MTMR10: variants seen among roughly 807,000 people sequenced by gnomAD.
MTMR10 encodes the protein myotubularin-related protein 10.
In MTMR10, 56 loss-of-function variants were observed where a neutral mutation model predicts 88.1. The observed-to-expected ratio is 0.64, with a 90% CI of 0.51 to 0.79. MTMR10 has a LOEUF of 0.79. MTMR10 is among the 30% of genes least tolerant of loss of function. The pLI, the probability that MTMR10 is intolerant of heterozygous loss-of-function variation, is 0.00. For synonymous variants in MTMR10, 380 were observed against 340.9 expected (o/e 1.11, Z -1.26); for missense variants, 883 against 924.7 (o/e 0.95, Z 0.58).
At chr15:30,942,854 G>A (rs772649590) in intron 15 of MTMR10, 36 bp downstream of exon 15, 2 of 1,529,952 alleles carry the variant, frequency 1.3e-6, no homozygotes, top group East Asian at 2.4e-5. Flanking sequence ...TTGGTTACGT[G>A]TGAGCCAACA....
intron 5 of MTMR10, among the ~76,000 whole-genome samples, chr15:30,971,628 G>T (rs2063539151): frequency 6.6e-6 from 1 of 152,070 alleles, no homozygotes; most frequent in South Asian, 2.1e-4. Flanking sequence ...GAGACAAAAG[G>T]CATGTATTTC....
At chr15:30,921,968 A>G in the MTMR10 span, among the ~76,000 whole-genome samples, 1 of 152,178 alleles carries the variant, frequency 6.6e-6, no homozygotes, top group South Asian at 2.1e-4. Flanking sequence ...TGGTTTGCAG[A>G]TAACACTCTG....
Position 30,991,624 on chromosome 15 carries a change from G to A in MTMR10, c.-118C>T, listed in dbSNP as rs1183076650. The stretch of plus-strand genomic sequence containing the variant: ...CTTTCTGCGGCCAGCCGAGCCGGGC[G>A]GACTGACGGGCGGGGATACGGCGCA... On this transcript the variant is annotated 5_prime_UTR_variant, in exon 1 of 16. Coordinates refer to ENST00000435680, the MANE Select transcript of MTMR10 (RefSeq NM_017762.3). 4.7e-6 allele frequency: 6 copies of A among 1,271,082 alleles called. No homozygotes were observed. The highest frequency in any genetic ancestry group is 6.2e-6 in the Non-Finnish European group (6 of 963,936). The allele number at this position is 1,271,082 out of a possible 1,614,324, so 78.7% of individuals were successfully genotyped here. A position where few individuals can be genotyped will look rare whatever the true frequency, so the allele number is the denominator to read the frequency against.
chr15:30,974,250 T>C lies in MTMR10; in HGVS notation c.474+64A>G, dbSNP rs952035589. 3.8e-6 allele frequency: 5 copies of C among 1,309,774 alleles called. No individual in the cohort carries two copies. In the East Asian group the frequency reaches 8.2e-5, roughly 21 times the overall value. The allele number at this position is 1,309,774 out of a possible 1,614,324, so 81.1% of individuals were successfully genotyped here. ...AGCAATTGAGAAATGAAAACTGCCA[T>C]ACGGAATTGAAATCAGTAAACACAG... On this transcript the variant is annotated intron_variant, in intron 5 of 15. Coordinates refer to ENST00000435680, the MANE Select transcript of MTMR10 (RefSeq NM_017762.3).
At position 30,942,885 on chromosome 15, in the gene MTMR10, T is replaced by C. The variant is rs2063100439; in HGVS notation, c.1731+5A>G. On this transcript the variant is annotated splice_donor_5th_base_variant and intron_variant, in intron 15 of 15. Coordinates refer to ENST00000435680, the MANE Select transcript of MTMR10 (RefSeq NM_017762.3). The stretch of plus-strand genomic sequence containing the variant: ...CAACATCACGTTTTGTTAGCTGTGA[T>C]TTACCTTTGTCCGTTTAAAAGACTT... The C allele has an allele frequency of 6.4e-7, 1 of 1,557,310 alleles. No individual in the cohort carries two copies. The highest frequency in any genetic ancestry group is 2.0e-5 in the Admixed American group (1 of 51,234).
the MTMR10 span, among the ~76,000 whole-genome samples, chr15:30,929,878 ATAAT>A: frequency 1.1e-5 from 1 of 94,536 alleles, no homozygotes; most frequent in Non-Finnish European, 1.8e-5. Context: ...TATAAAATAT[ATAAT>A]ATATATCATA....
intron 6 of MTMR10, among the ~76,000 whole-genome samples, chr15:30,966,858 C>CT (rs76851097): frequency 0.43 from 56,456 of 131,002 alleles, 12,520 homozygotes; most frequent in East Asian, 0.84. Context: ...ACTGTATTTT[C>CT]TTTTTTTTTT....
chr15:30,927,028 C>T, the MTMR10 span: 37 of 985,182 alleles, frequency 3.8e-5, no homozygotes, highest in South Asian at 8.5e-4. Flanking sequence ...AGTTAAGGAA[C>T]GAACCAGGCA....
chr15:30,960,603 A>G (rs147424946), intron 7 of MTMR10, among the ~76,000 whole-genome samples: 97 of 152,344 alleles, frequency 6.4e-4, no homozygotes, highest in African/African-American at 2.2e-3. Context: ...TTAGATCCTG[A>G]TATGAACAAA....
chr15:30,989,212 A>G (rs1175928034), intron 2 of MTMR10, among the ~76,000 whole-genome samples: 1 of 152,094 alleles, frequency 6.6e-6, no homozygotes, highest in Non-Finnish European at 1.5e-5. Context: ...TGCATTTTAA[A>G]TGCTCAGAGT....
At chr15:30,925,204 C>T in the MTMR10 span, 9 of 1,613,892 alleles carry the variant, frequency 5.6e-6, no homozygotes, top group African/African-American at 2.7e-5. Context: ...ATCAGCGAGC[C>T]GTGCGCCTGC....
the MTMR10 span, chr15:30,928,488 A>G: frequency 6.3e-7 from 1 of 1,579,238 alleles, no homozygotes; most frequent in African/African-American, 1.4e-5. Context: ...GTTTTGGAAG[A>G]AACAGATAAA....
chr15:30,941,754 G>C lies in MTMR10; in HGVS notation c.2050C>G (p.Leu684Val). The change falls in exon 16 of 16, where the codon CTC becomes GTC. Residue 684 changes from leucine (L) to valine (V), a missense_variant. Leu to Val is a conservative substitution (Grantham distance 32, BLOSUM62 1). Coordinates refer to ENST00000435680, the MANE Select transcript of MTMR10 (RefSeq NM_017762.3). The stretch of plus-strand genomic sequence containing the variant: ...AGTACGTCGACTTCATCAGCCAGGA[G>C]GGAGAGCTTGTGAAAGGCTGTGATG... ...GSITAFHKLS[L>V]LADEVDVLSR... is the part of the protein sequence containing the mutation. 1 of 1,613,988 alleles carries C rather than the reference G, an allele frequency of 6.2e-7. No homozygotes were observed. Among genetic ancestry groups the C allele is most frequent in the South Asian group, 1.1e-5 (1 of 91,076 alleles).
rs752778226 is a variant in MTMR10, at chr15:30,951,971, G to C, written c.1204C>G (p.Gln402Glu). The change falls in exon 12 of 16, where the codon CAA becomes GAA. Residue 402 changes from glutamine to glutamate, a missense_variant. Coordinates refer to ENST00000435680, the MANE Select transcript of MTMR10 (RefSeq NM_017762.3). ...LESKHLSVVL[Q>E]EEEGRDLSCC... ...TTTCAGGAGTTACTTTAGTTACCTTGTAGGACTACAGAGAGATGTTTGCTT... is the reference window on the plus strand; with the variant it reads ...TTTCAGGAGTTACTTTAGTTACCTTCTAGGACTACAGAGAGATGTTTGCTT... 1 of 1,612,664 alleles carries C rather than the reference G, an allele frequency of 6.2e-7. No homozygotes were observed. Among genetic ancestry groups the C allele is most frequent in the Non-Finnish European group, 8.5e-7 (1 of 1,178,798 alleles).
At chr15:30,956,184 C>T (rs2063325474) in intron 9 of MTMR10, 1 of 152,158 alleles carries the variant, frequency 6.6e-6, no homozygotes, top group Non-Finnish European at 1.5e-5. Flanking sequence ...TAAAATGGCG[C>T]TGTACATTTG....
At chr15:30,932,050 G>A in the MTMR10 span, among the ~76,000 whole-genome samples, 7 of 151,540 alleles carry the variant, frequency 4.6e-5, no homozygotes, top group South Asian at 4.2e-4. Flanking sequence ...GTGAAACCCC[G>A]TCTCTACTAA....
At chr15:30,926,263 TC>T in the MTMR10 span, among the ~76,000 whole-genome samples, 1 of 152,208 alleles carries the variant, frequency 6.6e-6, no homozygotes, top group Non-Finnish European at 1.5e-5. Flanking sequence ...CATTCAGTGT[TC>T]CTTCTGTTCT....
chr15:30,920,803 G>C, the MTMR10 span: 1 of 559,846 alleles, frequency 1.8e-6, no homozygotes. Context: ...TTGTCTTTTT[G>C]AGACAGGGTC....
At position 30,941,680 on chromosome 15, in the gene MTMR10, A is replaced by G. The variant is rs201242225; in HGVS notation, c.2124T>C (p.Tyr708=). 163 of 1,613,686 alleles carry G rather than the reference A, an allele frequency of 1.0e-4. 1 individual carries two copies. In the African/African-American group the frequency reaches 1.8e-3, roughly 18 times the overall value. The change falls in exon 16 of 16, where the codon TAT becomes TAC. Residue 708 remains tyrosine, a synonymous_variant. Coordinates refer to ENST00000435680, the MANE Select transcript of MTMR10 (RefSeq NM_017762.3). ...ACATCCTGCTCTGGCCCAGCTCCCC[A>G]TAGCAGGCCTCCAGGGGGCCACTGC... The part of the protein sequence containing the change: ...QQRSGPLEAC[Y]GELGQSRMYF...
Sources: gnomAD v4.1 joint callset for allele counts (sites outside exome capture counted in the v4.1 genomes callset) on GRCh38, gnomAD v4.1.1 for gene constraint, MANE v1.5 for transcripts, NCBI Gene and HGNC (gene_info 2026-07-23, HGNC 2026-07-21) for gene names.